The following CYP39A1 variants were observed in gnomAD, a reference collection of about 807,000 sequenced individuals.
The protein encoded by CYP39A1 is 24-hydroxycholesterol 7-alpha-hydroxylase.
CYP39A1 carries 49 observed loss-of-function variants against 58.1 expected under a neutral mutation model. The observed-to-expected ratio is 0.84, with a 90% CI of 0.67 to 1.07. The LOEUF (loss-of-function observed/expected upper bound fraction) is 1.07, where lower values mean the gene tolerates loss of function less well. CYP39A1 is among the 50% of genes least tolerant of loss of function. The pLI is 0.00. For missense variants in CYP39A1, 531 were observed against 539.4 expected (o/e 0.98, Z 0.16); for synonymous variants, 209 against 187.6 (o/e 1.11, Z -0.93).
At chr6:46,617,737 G>A (rs185072321) in intron 7 of CYP39A1, among the ~76,000 whole-genome samples, 41 of 152,120 alleles carry the variant, frequency 2.7e-4, no homozygotes, top group South Asian at 2.1e-3. Flanking sequence ...CACATTCCTC[G>A]TGCATAAAAT....
intron 10 of CYP39A1, among the ~76,000 whole-genome samples, chr6:46,558,388 A>T (rs1770770927): frequency 6.6e-6 from 1 of 152,164 alleles, no homozygotes; most frequent in South Asian, 2.1e-4. Flanking sequence ...TGGTGGCCGG[A>T]GAGAGAAAGC....
At position 46,652,566 on chromosome 6, in the gene CYP39A1, G is replaced by A. The variant is rs1317361002; in HGVS notation, c.17C>T (p.Pro6Leu). The A allele has an allele frequency of 1.9e-6, 3 of 1,604,534 alleles. No individual in the cohort carries two copies. The highest frequency in any genetic ancestry group is 1.7e-5 in the Admixed American group (1 of 58,364). The part of the protein sequence containing the change: MELIS[P>L]TVIIILGCLA... The stretch of plus-strand genomic sequence containing the variant: ...GCAACCCAGGATTATAATCACTGTT[G>A]GGGAAATTAGTTCCATGTTTTTGTC... The change falls in exon 1 of 12, where the codon CCA (proline) becomes CTA (leucine). Residue 6 changes from proline (P) to leucine (L), a missense_variant. Pro to Leu is a moderately conservative substitution (Grantham distance 98, BLOSUM62 -3). Coordinates refer to ENST00000275016, the MANE Select transcript of CYP39A1 (RefSeq NM_016593.5).
chr6:46,575,855 G>A (rs1388886740), intron 10 of CYP39A1, among the ~76,000 whole-genome samples: 3 of 152,180 alleles, frequency 2.0e-5, no homozygotes, highest in Admixed American at 6.5e-5. Flanking sequence ...TATGAAGCCA[G>A]TCAACTAAAT....
intron 10 of CYP39A1, chr6:46,583,448 C>T: frequency 1.0e-6 from 1 of 985,372 alleles, no homozygotes; most frequent in Non-Finnish European, 1.2e-6. Context: ...ACACTGAAAA[C>T]CCTCCGTCTT....
At chr6:46,568,500 CT>C (rs144200466) in intron 10 of CYP39A1, among the ~76,000 whole-genome samples, 30,340 of 151,874 alleles carry the variant, frequency 0.2, 3,125 homozygotes, top group African/African-American at 0.21. Flanking sequence ...AGCTTGTGCT[CT>C]GTTTTTCTTC....
intron 8 of CYP39A1, among the ~76,000 whole-genome samples, chr6:46,593,592 G>GGAA (rs1772971309): frequency 1.3e-5 from 2 of 151,966 alleles, no homozygotes; most frequent in African/African-American, 4.8e-5. Context: ...TGTCTCCTTT[G>GGAA]GAAGCAAAAG....
intron 1 of CYP39A1, among the ~76,000 whole-genome samples, chr6:46,645,003 G>T (rs1363160977): frequency 3.3e-5 from 5 of 152,028 alleles, no homozygotes; most frequent in Non-Finnish European, 7.4e-5. Context: ...TTATATTGTT[G>T]AGTGTTGACA....
intron 7 of CYP39A1, among the ~76,000 whole-genome samples, chr6:46,620,355 G>A (rs937293847): frequency 1.3e-5 from 2 of 152,160 alleles, no homozygotes; most frequent in Admixed American, 1.3e-4. Flanking sequence ...TTGCAAGACT[G>A]TCTTTATTTG....
In CYP39A1 at chr6:46,567,999, A is replaced by ATT. The variant is rs1771389660; in HGVS notation, c.1251-14146_1251-14145insAA. Reference sequence around the variant, plus strand: ...GAGCTTATAAGACATTTTTTTTTAAAAAAAAAACAGGTGTATGTAACCTTA... The same window carrying ATT: ...GAGCTTATAAGACATTTTTTTTTAAATTAAAAAAACAGGTGTATGTAACCTTA... On this transcript the variant is annotated intron_variant, in intron 10 of 11. Transcript: ENST00000275016. 7.0e-5 allele frequency among the ~76,000 whole-genome samples: 5 copies of ATT among 70,950 alleles called. No homozygotes were observed. The African/African-American group carries it at 8.4e-4, about 12-fold the overall frequency. The allele number at this position is 70,950 out of a possible 152,430, so 46.5% of individuals were successfully genotyped here.
At chr6:46,567,819 G>A (rs113250358) in intron 10 of CYP39A1, among the ~76,000 whole-genome samples, 1 of 152,082 alleles carries the variant, frequency 6.6e-6, no homozygotes, top group Admixed American at 6.6e-5. Flanking sequence ...GGTTTACTGG[G>A]GCAAGGGAAG....
intron 10 of CYP39A1, among the ~76,000 whole-genome samples, chr6:46,566,849 TAC>T (rs201536681): frequency 1.4e-5 from 2 of 145,254 alleles, no homozygotes; most frequent in South Asian, 2.2e-4. Flanking sequence ...TATATATATA[TAC>T]ACACACATAC....
At chr6:46,561,418 G>A (rs1030920318) in intron 10 of CYP39A1, among the ~76,000 whole-genome samples, 3 of 152,066 alleles carry the variant, frequency 2.0e-5, no homozygotes, top group Non-Finnish European at 4.4e-5. Context: ...CAATTTGAGG[G>A]TGCAGTATGG....
chr6:46,651,691 A>G (rs1359965821), intron 1 of CYP39A1, among the ~76,000 whole-genome samples: 1 of 152,226 alleles, frequency 6.6e-6, no homozygotes, highest in Non-Finnish European at 1.5e-5. Context: ...GGCTAACCAG[A>G]TGGAAAATGG....
rs1413868959 is a variant in CYP39A1 at position 46,652,803 on chromosome 6, A to T, written c.-221T>A. On this transcript the variant is annotated 5_prime_UTR_variant, in exon 1 of 12. Transcript: ENST00000275016. The stretch of plus-strand genomic sequence containing the variant: ...CTCCACTTCTCTTTGAATCTCAGCC[A>T]GCGCGGAAAAAATGCAAGGAGGGGC... 6 of 489,834 alleles carry T rather than the reference A, an allele frequency of 1.2e-5. No homozygotes were observed. The East Asian group carries it at 2.1e-4, about 17-fold the overall frequency. The allele number at this position is 489,834 out of a possible 1,614,324, so 30.3% of individuals were successfully genotyped here.
At chr6:46,635,909 G>T (rs1239032125) in intron 5 of CYP39A1, among the ~76,000 whole-genome samples, 3 of 152,148 alleles carry the variant, frequency 2.0e-5, no homozygotes, top group Non-Finnish European at 4.4e-5. Flanking sequence ...GGTGCTGTCG[G>T]TTTATGGGCC....
chr6:46,605,993 G>C, intron 7 of CYP39A1, among the ~76,000 whole-genome samples: 1 of 152,114 alleles, frequency 6.6e-6, no homozygotes, highest in East Asian at 1.9e-4. Flanking sequence ...ACTACGGTCA[G>C]TTTGTGTTTG....
chr6:46,628,820 T>G (rs760410552), intron 6 of CYP39A1, among the ~76,000 whole-genome samples: 1 of 152,210 alleles, frequency 6.6e-6, no homozygotes, highest in Non-Finnish European at 1.5e-5. Flanking sequence ...GAAGCCTATG[T>G]TCAGTATTAA....
At chr6:46,635,568 T>C (rs1482122154) in intron 5 of CYP39A1, among the ~76,000 whole-genome samples, 28 of 151,610 alleles carry the variant, frequency 1.8e-4, no homozygotes, top group Admixed American at 1.8e-3. Flanking sequence ...TTGTTTGTTT[T>C]TGAGACAGGA....
chr6:46,587,948 A>G, intron 9 of CYP39A1, 86 bp downstream of exon 9: 2 of 730,594 alleles, frequency 2.7e-6, no homozygotes, highest in Non-Finnish European at 4.3e-6. Context: ...TTAATTATAT[A>G]GTCCTAATTA....
Sources: allele counts gnomAD v4.1 joint callset (sites outside exome capture counted in the v4.1 genomes callset), GRCh38; gene constraint gnomAD v4.1.1; transcripts MANE v1.5; gene names NCBI Gene and HGNC (gene_info 2026-07-23, HGNC 2026-07-21).